The following ARVCF variants were observed in gnomAD, a reference collection of about 807,000 sequenced individuals.
ARVCF encodes the protein ARVCF delta catenin family member.
ARVCF carries 66 observed loss-of-function variants against 90.9 expected under a neutral mutation model. The ratio of observed to expected loss-of-function variants is 0.73; its 90% CI spans 0.60 to 0.89. The LOEUF (loss-of-function observed/expected upper bound fraction) is 0.89, where lower values mean the gene tolerates loss of function less well. Ranked by LOEUF, ARVCF falls within the 40% of genes least tolerant of loss-of-function variation. The probability of loss-of-function intolerance (pLI) is 0.00; values close to 1 mark genes in which losing one functional copy is unlikely to be tolerated. For missense variants in ARVCF, 1,469 were observed against 1,382.3 expected, an observed-to-expected ratio of 1.06 and a Z score of -1.00; for synonymous variants, 653 against 603.4, an observed-to-expected ratio of 1.08 and a Z score of -1.21.
At chr22:19,976,941 G>A (rs1233904090) in intron 9 of ARVCF, among the ~76,000 whole-genome samples, 2 of 152,164 alleles carry the variant, frequency 1.3e-5, no homozygotes, top group Non-Finnish European at 2.9e-5. Flanking sequence ...GGCAGGTGGC[G>A]TACAGGTCCC....
intron 1 of ARVCF, among the ~76,000 whole-genome samples, chr22:20,012,079 T>TAC (rs748580387): frequency 8.5e-6 from 1 of 117,146 alleles, no homozygotes; most frequent in Non-Finnish European, 1.7e-5. Flanking sequence ...CCTCCCAAAG[T>TAC]CCCCCCCCCC....
At chr22:19,987,819 TG>T (rs895749328) in intron 3 of ARVCF, among the ~76,000 whole-genome samples, 10 of 152,066 alleles carry the variant, frequency 6.6e-5, no homozygotes, top group South Asian at 2.1e-4. Context: ...CTTTGTATCT[TG>T]GGTTCTCCCC....
chr22:20,008,349 G>A (rs142353176), intron 2 of ARVCF, among the ~76,000 whole-genome samples: 36 of 152,238 alleles, frequency 2.4e-4, no homozygotes, highest in African/African-American at 7.7e-4. Flanking sequence ...CTGTGTCCCC[G>A]CCAGCCCTTC....
intron 17 of ARVCF, 49 bp from the exon 18 acceptor site, chr22:19,972,020 T>TG: frequency 6.6e-7 from 1 of 1,504,460 alleles, no homozygotes; most frequent in Non-Finnish European, 9.1e-7. Context: ...AGGGAGGCCC[T>TG]GTAGGAGCAG....
chr22:20,002,938 C>G (rs1324406366), intron 2 of ARVCF, among the ~76,000 whole-genome samples: 1 of 152,102 alleles, frequency 6.6e-6, no homozygotes, highest in South Asian at 2.1e-4. Flanking sequence ...GGACTGATGA[C>G]TCCAACAGAT....
chr22:19,981,032 G>A (rs1261618466), intron 5 of ARVCF, 179 bp downstream of exon 5: 10 of 802,072 alleles, frequency 1.2e-5, no homozygotes, highest in East Asian at 5.8e-5. Context: ...GTGCCCAGCC[G>A]AACTCCTACC....
chr22:19,981,487 C>G lies in ARVCF; in HGVS notation c.620G>C (p.Gly207Ala), dbSNP rs1943497324. ...AGCACGTGGGGGCCGCATGCCCAGCCCTCGGGACAGGCTGCCATAGCTGGG... is the reference window on the plus strand; with the variant it reads ...AGCACGTGGGGGCCGCATGCCCAGCGCTCGGGACAGGCTGCCATAGCTGGG... ...DSPSYGSLSR[G>A]LGMRPPRAGP... The change falls in exon 5 of 20, where the codon GGG (glycine) becomes GCG (alanine). Residue 207 changes from glycine (G) to alanine (A), a missense_variant. Coordinates refer to ENST00000263207, the MANE Select transcript of ARVCF (RefSeq NM_001670.3). 6.4e-7 allele frequency: 1 copy of G among 1,550,992 alleles called. No individual in the cohort carries two copies. Among genetic ancestry groups the G allele is most frequent in the African/African-American group, 1.4e-5 (1 of 73,404 alleles).
chr22:19,975,802 G>A, intron 10 of ARVCF, 45 bp from the exon 11 acceptor site: 2 of 1,596,994 alleles, frequency 1.3e-6, no homozygotes, highest in South Asian at 1.1e-5. Context: ...CCCATATGGG[G>A]AATGGGTGTA....
chr22:20,015,264 C>T (rs1314735633), intron 1 of ARVCF, among the ~76,000 whole-genome samples: 1 of 152,130 alleles, frequency 6.6e-6, no homozygotes, highest in Non-Finnish European at 1.5e-5. Flanking sequence ...GCTGGTGGAC[C>T]CCAGAATGGG....
At chr22:19,997,186 G>A (rs1944285457) in intron 2 of ARVCF, among the ~76,000 whole-genome samples, 1 of 152,176 alleles carries the variant, frequency 6.6e-6, no homozygotes, top group African/African-American at 2.4e-5. Context: ...TCACTGCTGG[G>A]GGCCAGGGAG....
intron 1 of ARVCF, among the ~76,000 whole-genome samples, chr22:20,012,081 C>CT (rs950828486): frequency 3.1e-5 from 4 of 128,600 alleles, no homozygotes; most frequent in African/African-American, 1.1e-4. Context: ...TCCCAAAGTC[C>CT]CCCCCCCCCA....
intron 2 of ARVCF, among the ~76,000 whole-genome samples, chr22:20,004,174 T>G (rs895684276): frequency 7.9e-5 from 12 of 152,108 alleles, no homozygotes; most frequent in African/African-American, 2.7e-4. Flanking sequence ...AAACTTAAGA[T>G]CTGTACACTG....
At chr22:20,004,981 C>A (rs919072994) in intron 2 of ARVCF, among the ~76,000 whole-genome samples, 16 of 152,024 alleles carry the variant, frequency 1.1e-4, no homozygotes, top group Admixed American at 9.2e-4. Flanking sequence ...CTGGATTTGG[C>A]AATGATATCT....
Position 19,969,922 on chromosome 22 carries a change from T to G in ARVCF, c.*834A>C. 2.0e-6 allele frequency: 2 copies of G among 985,536 alleles called. No homozygotes were observed. Among genetic ancestry groups the G allele is most frequent in the East Asian group, 1.1e-4 (1 of 8,816 alleles). 61.0% of individuals were successfully genotyped at this position (985,536 alleles called of 1,614,324 possible). ...TCCTTTGCTGCTTTAATTTTTAAAT[T>G]TTCTTACAAAAATTTAGGTGTTTAC... On this transcript the variant is annotated 3_prime_UTR_variant, in exon 20 of 20. Coordinates refer to ENST00000263207, the MANE Select transcript of ARVCF (RefSeq NM_001670.3).
intron 3 of ARVCF, among the ~76,000 whole-genome samples, chr22:19,986,487 T>A (rs1006490596): frequency 1.3e-5 from 2 of 152,064 alleles, no homozygotes; most frequent in Non-Finnish European, 2.9e-5. Context: ...CAGCATCCAT[T>A]AGTGGGCAGG....
rs781587059 is a variant in ARVCF at position 19,972,955 on chromosome 22, C to T, written c.2520G>A (p.Gln840=). 1 of 1,613,856 alleles carries T rather than the reference C, an allele frequency of 6.2e-7. No individual in the cohort carries two copies. Among genetic ancestry groups the T allele is most frequent in the East Asian group, 2.2e-5 (1 of 44,878 alleles). The change falls in exon 15 of 20, where the codon CAG becomes CAA. Residue 840 remains glutamine (Q), a synonymous_variant. Transcript: ENST00000263207. Reference sequence around the variant, plus strand: ...AGCGCGCCTTGGTCCAACCATCTTTCTGCAAGGTACCACGCAGCTCCTTGT... The same window carrying T: ...AGCGCGCCTTGGTCCAACCATCTTTTTGCAAGGTACCACGCAGCTCCTTGT... ...WSYKELRGTL[Q]KDGWTKARFQ...
chr22:20,005,604 G>C (rs1489616798), intron 2 of ARVCF, among the ~76,000 whole-genome samples: 1 of 152,148 alleles, frequency 6.6e-6, no homozygotes, highest in Non-Finnish European at 1.5e-5. Context: ...TGGATCACAA[G>C]GTCAGGAGAT....
chr22:20,011,039 G>A (rs1944809997), intron 1 of ARVCF, among the ~76,000 whole-genome samples: 1 of 152,232 alleles, frequency 6.6e-6, no homozygotes, highest in South Asian at 2.1e-4. Context: ...GGGAGGGCGG[G>A]GAAGCAGGCA....
At chr22:20,002,548 T>C (rs1186985750) in intron 2 of ARVCF, among the ~76,000 whole-genome samples, 1 of 152,094 alleles carries the variant, frequency 6.6e-6, no homozygotes, top group Non-Finnish European at 1.5e-5. Context: ...TAAGGAAAAA[T>C]TATGGTGAGG....
Sources: allele counts gnomAD v4.1 joint callset (sites outside exome capture counted in the v4.1 genomes callset), GRCh38; gene constraint gnomAD v4.1.1; transcripts MANE v1.5; gene names NCBI Gene and HGNC (gene_info 2026-07-23, HGNC 2026-07-21).